The following LTA4H variants were observed in gnomAD, a reference collection of about 807,000 sequenced individuals.
The protein encoded by LTA4H is leukotriene A-4 hydrolase.
Under a neutral mutation model 89.8 loss-of-function variants are expected in LTA4H, and 59 were observed. The observed-to-expected ratio is 0.66, with a 90% CI of 0.53 to 0.82. The LOEUF is 0.82. Among genes scored for constraint, LTA4H ranks in the 40% least tolerant of loss-of-function variants. LTA4H has a pLI of 0.00. For synonymous variants in LTA4H, 227 were observed against 253.1 expected (o/e 0.90, Z 0.98); for missense variants, 617 against 727.0 (o/e 0.85, Z 1.74).
chr12:96,013,590 T>C (rs750382628), intron 13 of LTA4H, among the ~76,000 whole-genome samples, 160 bp downstream of exon 13: 3 of 152,186 alleles, frequency 2.0e-5, no homozygotes, highest in Non-Finnish European at 4.4e-5. Flanking sequence ...AGGTAGTTCA[T>C]GTGGTTAAGA....
intron 15 of LTA4H, among the ~76,000 whole-genome samples, 178 bp from the exon 16 acceptor site, chr12:96,006,587 A>G (rs988970979): frequency 6.6e-6 from 1 of 152,234 alleles, no homozygotes; most frequent in Admixed American, 6.5e-5. Flanking sequence ...TGTAATTTAA[A>G]TAGCTGATAT....
In LTA4H at chr12:96,001,243, A is replaced by C. The variant is rs1326730755; in HGVS notation, c.1719-137T>G. 6.4e-6 allele frequency: 4 copies of C among 629,256 alleles called. No individual in the cohort carries two copies. In the African/African-American group the frequency reaches 7.4e-5, roughly 12 times the overall value. The allele number at this position is 629,256 out of a possible 1,614,324, so 39.0% of individuals were successfully genotyped here. A position where few individuals can be genotyped will look rare whatever the true frequency, so the allele number is the denominator to read the frequency against. On this transcript the variant is annotated intron_variant, in intron 18 of 18. Coordinates refer to ENST00000228740, the MANE Select transcript of LTA4H (RefSeq NM_000895.3). ...GGAAGGAGAAAGAGAATAAGAACAC[A>C]AGTCAATACCCAAGATTAAATTAAA... is the stretch of plus-strand genomic sequence containing the variant.
Position 96,024,079 on chromosome 12 carries a change from G to A in LTA4H, c.480+400C>T, listed in dbSNP as rs559730790. 1.5e-3 allele frequency among the ~76,000 whole-genome samples: 226 copies of A among 151,814 alleles called. 1 individual carries two copies. Among genetic ancestry groups the A allele is most frequent in the Middle Eastern group, 6.8e-3 (2 of 294 alleles). On this transcript the variant is annotated intron_variant, in intron 4 of 18. Transcript: ENST00000228740. ...CGAGTAGCTGGGACTACAGGTGCCCGCCACCATGCCCGGCTAATTTTTTGT... is the reference window on the plus strand; with the variant it reads ...CGAGTAGCTGGGACTACAGGTGCCCACCACCATGCCCGGCTAATTTTTTGT...
chr12:96,003,070 A>C lies in LTA4H; in HGVS notation c.1614-6T>G. ...GAATGCAGAGCCGCAGCCATCTAAA[A>C]GGAGGATTTGGGGGGAGCATGGAGT... On this transcript the variant is annotated splice_polypyrimidine_tract_variant and splice_region_variant and intron_variant, in intron 17 of 18. Transcript: ENST00000228740. The C allele has an allele frequency of 1.3e-6, 2 of 1,581,252 alleles. No homozygotes were observed. Among genetic ancestry groups the C allele is most frequent in the African/African-American group, 2.7e-5 (2 of 74,750 alleles).
rs112414932 is a variant in LTA4H at position 96,006,285 on chromosome 12, A to G, written c.1530+29T>C. On this transcript the variant is annotated intron_variant, in intron 16 of 18. Coordinates refer to ENST00000228740, the MANE Select transcript of LTA4H (RefSeq NM_000895.3). ...AATGCTGTGCCTTTCTGTCCATTTTAATTTCTAAGATTTTGAGCTAGTACT... is the reference window on the plus strand; with the variant it reads ...AATGCTGTGCCTTTCTGTCCATTTTGATTTCTAAGATTTTGAGCTAGTACT... The G allele has an allele frequency of 1.1e-3, 1,606 of 1,431,810 alleles. 11 individuals carry two copies. The African/African-American group carries it at 0.02, about 17-fold the overall frequency. The allele number at this position is 1,431,810 out of a possible 1,614,324, so 88.7% of individuals were successfully genotyped here. A position where few individuals can be genotyped will look rare whatever the true frequency, so the allele number is the denominator to read the frequency against.
intron 5 of LTA4H, 42 bp from the exon 6 acceptor site, chr12:96,021,179 T>G (rs765996204): frequency 1.4e-6 from 2 of 1,432,198 alleles, no homozygotes; most frequent in African/African-American, 2.9e-5. Flanking sequence ...CTTGCATTAG[T>G]GTTCACAAAT....
At position 96,000,891 on chromosome 12, in the gene LTA4H, ACTAAAAAGACAGTTTTAAT is replaced by A; in HGVS notation, c.*79_*97del. On this transcript the variant is annotated 3_prime_UTR_variant, in exon 19 of 19. Transcript: ENST00000228740. ...ACCAACAAAACAATAAAAAGCCAAA[ACTAAAAAGACAGTTTTAAT>A]TGTGAGCTGAAGTTTTATATTTCTT... 1 of 872,292 alleles carries A rather than the reference ACTAAAAAGACAGTTTTAAT, an allele frequency of 1.1e-6. No homozygotes were observed. Among genetic ancestry groups the A allele is most frequent in the Non-Finnish European group, 1.8e-6 (1 of 545,326 alleles). 54.0% of individuals were successfully genotyped at this position (872,292 alleles called of 1,614,324 possible).
upstream of LTA4H, chr12:96,035,772 G>T: frequency 1.3e-6 from 1 of 764,236 alleles, no homozygotes; most frequent in Non-Finnish European, 1.8e-6. Flanking sequence ...ATGTTGAGGG[G>T]GACCAAGCGT....
intron 1 of LTA4H, among the ~76,000 whole-genome samples, chr12:96,033,708 A>AG (rs1950601913): frequency 6.6e-6 from 1 of 152,064 alleles, no homozygotes; most frequent in African/African-American, 2.4e-5. Flanking sequence ...TCCCTCCCCT[A>AG]GGCCCCTACC....
intron 11 of LTA4H, 92 bp from the exon 12 acceptor site, chr12:96,015,091 G>A: frequency 3.3e-6 from 4 of 1,204,606 alleles, no homozygotes; most frequent in Non-Finnish European, 4.7e-6. Context: ...TCACTCAGTG[G>A]TGTAACTTTA....
chr12:96,002,515 C>T (rs1364277469), intron 18 of LTA4H, among the ~76,000 whole-genome samples: 1 of 152,116 alleles, frequency 6.6e-6, no homozygotes, highest in Non-Finnish European at 1.5e-5. Flanking sequence ...ACTTATCCCC[C>T]TCTCACTAAG....
intron 1 of LTA4H, among the ~76,000 whole-genome samples, chr12:96,041,952 G>A (rs190770501): frequency 2.0e-5 from 3 of 147,154 alleles, no homozygotes; most frequent in South Asian, 2.2e-4. Flanking sequence ...TAAACCCCTA[G>A]TTTTAAATTA....
Position 96,035,489 on chromosome 12 carries a change from C to T in LTA4H, c.31G>A (p.Ala11Thr). The T allele has an allele frequency of 6.2e-7, 1 of 1,608,416 alleles. No homozygotes were observed. Among genetic ancestry groups the T allele is most frequent in the Non-Finnish European group, 8.5e-7 (1 of 1,177,522 alleles). ...GTCCGGCAGACGGAAGCCGGAGAGG[C>T]CAACGAACAGGTATCCACTATCTCG... MPEIVDTCSL[A>T]SPASVCRTKH... Residue 11 changes from alanine (A) to threonine (T), a missense_variant, in exon 1 of 19, where the codon GCC (alanine) becomes ACC (threonine). Transcript: ENST00000228740.
chr12:96,039,662 G>C (rs905493839), upstream of LTA4H, among the ~76,000 whole-genome samples: 1 of 152,174 alleles, frequency 6.6e-6, no homozygotes, highest in African/African-American at 2.4e-5. Context: ...AGCAAAACAA[G>C]TCACACCAAA....
Position 96,021,157 on chromosome 12 carries a change from G to T in LTA4H, c.586-20C>A. ...TGGAACCTAAAGAGGGCAAACAAAC[G>T]CACACCACGTGCTTGCATTAGTGTT... is the stretch of plus-strand genomic sequence containing the variant. On this transcript the variant is annotated intron_variant, in intron 5 of 18. Coordinates refer to ENST00000228740, the MANE Select transcript of LTA4H (RefSeq NM_000895.3). The T allele has an allele frequency of 1.3e-6, 2 of 1,573,568 alleles. No individual in the cohort carries two copies. The highest frequency in any genetic ancestry group is 1.7e-6 in the Non-Finnish European group (2 of 1,164,188).
chr12:96,024,105 GT>G (rs1237042761), intron 4 of LTA4H, among the ~76,000 whole-genome samples: 2 of 151,114 alleles, frequency 1.3e-5, no homozygotes, highest in South Asian at 2.1e-4. Context: ...AATTTTTTGT[GT>G]TTTTTTTAGT....
chr12:96,018,929 G>C, intron 7 of LTA4H, 26 bp from the exon 8 acceptor site: 1 of 1,540,742 alleles, frequency 6.5e-7, no homozygotes, highest in Non-Finnish European at 8.7e-7. Flanking sequence ...ATATATGTCT[G>C]TATGCCTTAA....
At chr12:96,016,068 C>A (rs946510166) in intron 10 of LTA4H, among the ~76,000 whole-genome samples, 1 of 152,194 alleles carries the variant, frequency 6.6e-6, no homozygotes, top group Non-Finnish European at 1.5e-5. Context: ...AATCCTAGCA[C>A]TTTGGGAGGC....
intron 10 of LTA4H, among the ~76,000 whole-genome samples, chr12:96,016,417 T>C (rs1232010127): frequency 1.4e-5 from 2 of 141,670 alleles, no homozygotes; most frequent in African/African-American, 5.3e-5. Context: ...TTGAGACCAG[T>C]CTGGGCGACA....
Sources: gnomAD v4.1 joint callset for allele counts (sites outside exome capture counted in the v4.1 genomes callset) on GRCh38, gnomAD v4.1.1 for gene constraint, MANE v1.5 for transcripts, NCBI Gene and HGNC (gene_info 2026-07-23, HGNC 2026-07-21) for gene names.